Variants in SGCD observed in about 807,000 individuals in gnomAD.
SGCD encodes the protein delta-sarcoglycan.
A neutral mutation model predicts 36.6 loss-of-function variants in SGCD; 18 were observed. The ratio of observed to expected loss-of-function variants is 0.49; its 90% confidence interval spans 0.34 to 0.73. The LOEUF (loss-of-function observed/expected upper bound fraction) is 0.73, where lower values mean the gene tolerates loss of function less well. SGCD is among the 30% of genes least tolerant of loss of function. The probability of loss-of-function intolerance (pLI) is 0.01; values close to 1 mark genes in which losing one functional copy is unlikely to be tolerated. For synonymous variants in SGCD, 133 were observed against 130.6 expected (o/e 1.02, Z -0.12); for missense variants, 387 against 346.7 (o/e 1.12, Z -0.92).
intron 2 of SGCD, among the ~76,000 whole-genome samples, chr5:156,332,670 C>G (rs1768126177): frequency 6.6e-6 from 1 of 152,172 alleles, no homozygotes; most frequent in African/African-American, 2.4e-5. Context: ...CTCTGTTGAG[C>G]AGAGTCGCAG....
intron 6 of SGCD, among the ~76,000 whole-genome samples, chr5:156,612,523 A>G (rs280459): frequency 0.32 from 48,339 of 152,150 alleles, 8,586 homozygotes; most frequent in African/African-American, 0.49. Context: ...TGACTGTTGG[A>G]CTGGACATGT....
In SGCD at chr5:156,761,394, G is replaced by C. The variant is rs757935944; in HGVS notation, c.*2004G>C. 2 of 152,166 alleles carry C rather than the reference G, an allele frequency of 1.3e-5. No homozygotes were observed. The highest frequency in any genetic ancestry group is 2.9e-5 in the Non-Finnish European group (2 of 68,040). The allele number at this position is 152,166 out of a possible 1,614,324, so 9.4% of individuals were successfully genotyped here. A position where few individuals can be genotyped will look rare whatever the true frequency, so the allele number is the denominator to read the frequency against. ...AGGGGTGAGACCCCGTGATTGGTTG[G>C]TTTGTAGCACTAAGGTCTAAAAAGG... On this transcript the variant is annotated 3_prime_UTR_variant, in exon 9 of 9. Transcript: ENST00000337851.
chr5:156,264,679 A>T (rs1048608943), intron 3 of SGCD, among the ~76,000 whole-genome samples: 2 of 152,154 alleles, frequency 1.3e-5, no homozygotes, highest in Non-Finnish European at 2.9e-5. Context: ...ACAAGTATCA[A>T]CCAGAAAGCA....
chr5:156,146,068 C>A (rs1481589426), intron 3 of SGCD, among the ~76,000 whole-genome samples: 2 of 152,062 alleles, frequency 1.3e-5, no homozygotes, highest in Non-Finnish European at 2.9e-5. Flanking sequence ...AAAAAATTAG[C>A]TGGGCGTAGT....
intron 1 of SGCD, among the ~76,000 whole-genome samples, chr5:155,961,164 C>G (rs1329703690): frequency 6.6e-6 from 1 of 152,050 alleles, no homozygotes; most frequent in Non-Finnish European, 1.5e-5. Flanking sequence ...ACTATTCCCT[C>G]TAATGTAGCT....
chr5:156,696,434 A>C (rs1754319982), intron 7 of SGCD, among the ~76,000 whole-genome samples: 1 of 152,200 alleles, frequency 6.6e-6, no homozygotes, highest in African/African-American at 2.4e-5. Context: ...TGGAGTTTCA[A>C]AACTCTTTTG....
Position 156,555,095 on chromosome 5 carries a change from A to G in SGCD, c.295-34136A>G, listed in dbSNP as rs149699334. Among the ~76,000 whole-genome samples, 323 of 152,114 alleles carry G rather than the reference A, an allele frequency of 2.1e-3. 1 individual carries two copies. The highest frequency in any genetic ancestry group is 7.4e-3 in the African/African-American group (306 of 41,508). On this transcript the variant is annotated intron_variant, in intron 4 of 8. Transcript: ENST00000337851. ...TTAATTGGTTGTCATTTTATTGTTCAGTTGTGATAAGTTTGTATATATTTT... is the reference window on the plus strand; with the variant it reads ...TTAATTGGTTGTCATTTTATTGTTCGGTTGTGATAAGTTTGTATATATTTT...
chr5:156,213,437 C>T (rs1031489248), intron 3 of SGCD, among the ~76,000 whole-genome samples: 1 of 151,880 alleles, frequency 6.6e-6, no homozygotes, highest in African/African-American at 2.4e-5. Flanking sequence ...AAAATGTGAA[C>T]AGAACAATAA....
chr5:155,870,742 C>T (rs1755614801), intron 1 of SGCD, among the ~76,000 whole-genome samples: 2 of 152,142 alleles, frequency 1.3e-5, no homozygotes, highest in South Asian at 4.1e-4. Context: ...ATGTCAAAAA[C>T]CAAAACCAAA....
chr5:156,012,614 A>T (rs1368813827), intron 1 of SGCD, among the ~76,000 whole-genome samples: 1 of 138,628 alleles, frequency 7.2e-6, no homozygotes, highest in Non-Finnish European at 1.6e-5. Flanking sequence ...CACAGAGATA[A>T]TTTTTTTTTT....
At chr5:156,521,990 A>G (rs929010127) in intron 4 of SGCD, among the ~76,000 whole-genome samples, 1 of 152,218 alleles carries the variant, frequency 6.6e-6, no homozygotes, top group African/African-American at 2.4e-5. Context: ...TGTGGCACAT[A>G]TACGCTATGG....
chr5:155,748,588 C>G, the SGCD span, among the ~76,000 whole-genome samples: 1 of 152,144 alleles, frequency 6.6e-6, no homozygotes, highest in Non-Finnish European at 1.5e-5. Context: ...ATTACAACCT[C>G]ACTCCAAAAC....
At chr5:155,993,335 TCC>T (rs1758474271) in intron 1 of SGCD, among the ~76,000 whole-genome samples, 1 of 144,146 alleles carries the variant, frequency 6.9e-6, no homozygotes, top group Non-Finnish European at 1.5e-5. Context: ...AAATCTGGGG[TCC>T]TTTTTTTTTT....
chr5:156,046,610 T>C (rs1333830404), intron 1 of SGCD, among the ~76,000 whole-genome samples: 1 of 152,154 alleles, frequency 6.6e-6, no homozygotes, highest in Non-Finnish European at 1.5e-5. Context: ...CTATTGTAAT[T>C]GATTTGGGAT....
chr5:155,738,838 TGA>T, the SGCD span, among the ~76,000 whole-genome samples: 3,418 of 147,018 alleles, frequency 0.023, 147 homozygotes, highest in African/African-American at 0.082. Flanking sequence ...TGTGAGACTG[TGA>T]GAGAGTATGT....
At chr5:155,924,976 GT>G (rs1324510189) in intron 1 of SGCD, among the ~76,000 whole-genome samples, 2 of 152,152 alleles carry the variant, frequency 1.3e-5, no homozygotes, top group Non-Finnish European at 2.9e-5. Flanking sequence ...GAATCCGGGG[GT>G]AGAATTGTGC....
At chr5:156,344,442 C>A (rs780952205) in intron 2 of SGCD, 47 bp from the exon 3 acceptor site, 2 of 1,298,156 alleles carry the variant, frequency 1.5e-6, no homozygotes, top group African/African-American at 1.6e-5. Flanking sequence ...TTTCTCTTCT[C>A]TCAGCGGTTT....
intron 1 of SGCD, among the ~76,000 whole-genome samples, chr5:155,922,783 A>G (rs943134145): frequency 6.6e-6 from 1 of 152,126 alleles, no homozygotes; most frequent in Non-Finnish European, 1.5e-5. Flanking sequence ...ACCAAGCTGT[A>G]TTTTTAGCCC....
At chr5:155,753,102 C>T in the SGCD span, among the ~76,000 whole-genome samples, 1 of 151,988 alleles carries the variant, frequency 6.6e-6, no homozygotes, top group East Asian at 1.9e-4. Flanking sequence ...CTTTGGGAGG[C>T]CGAGGAGGGA....
Sources: allele counts gnomAD v4.1 joint callset (sites outside exome capture counted in the v4.1 genomes callset), GRCh38; gene constraint gnomAD v4.1.1; transcripts MANE v1.5; gene names NCBI Gene and HGNC (gene_info 2026-07-23, HGNC 2026-07-21).